Variants in SETBP1 observed in about 807,000 individuals in gnomAD.
SETBP1 encodes the protein SET-binding protein.
A neutral mutation model predicts 101.0 loss-of-function variants in SETBP1; 9 were observed. The ratio of observed to expected loss-of-function variants is 0.09; its 90% CI spans 0.05 to 0.16. The LOEUF is 0.16. Among genes scored for constraint, SETBP1 ranks in the 10% least tolerant of loss-of-function variants. SETBP1 has a pLI of 1.00. For synonymous variants in SETBP1, 818 were observed against 788.5 expected, an observed-to-expected ratio of 1.04 and a Z score of -0.63; for missense variants, 1,858 against 2,033.8, an observed-to-expected ratio of 0.91 and a Z score of 1.66.
intron 2 of SETBP1, among the ~76,000 whole-genome samples, chr18:44,781,731 C>G (rs1463630000): frequency 1.3e-5 from 2 of 152,054 alleles, no homozygotes; most frequent in African/African-American, 4.8e-5. Context: ...AGGATGGTAC[C>G]ACAATGCAAA....
In SETBP1 at chr18:44,950,096, C is replaced by A. The variant is rs762370146; in HGVS notation, c.756C>A (p.Pro252=). 1 of 1,614,154 alleles carries A rather than the reference C, an allele frequency of 6.2e-7. No individual in the cohort carries two copies. Among genetic ancestry groups the A allele is most frequent in the South Asian group, 1.1e-5 (1 of 91,084 alleles). ...AAACTGCAAGCACCAGCAAGATCCC[C>A]GCTCTTGAGCCCGTGGCTTCCTTTG... ...GRETASTSKI[P]ALEPVASFAK... Residue 252 remains proline, a synonymous_variant, in exon 4 of 6, where the codon CCC becomes CCA. Transcript: ENST00000649279.
At chr18:44,835,882 A>G (rs1198496844) in intron 2 of SETBP1, among the ~76,000 whole-genome samples, 8 of 152,238 alleles carry the variant, frequency 5.3e-5, no homozygotes, top group Non-Finnish European at 8.8e-5. Flanking sequence ...AAAAACTCCT[A>G]GAGTAAGAAT....
chr18:45,042,195 G>C (rs1005783568), intron 5 of SETBP1, among the ~76,000 whole-genome samples: 1 of 139,974 alleles, frequency 7.1e-6, no homozygotes, highest in African/African-American at 2.7e-5. Context: ...TGTCACTGAG[G>C]CTGGAATGCA....
intron 2 of SETBP1, among the ~76,000 whole-genome samples, chr18:44,781,241 G>A (rs1197082747): frequency 6.6e-6 from 1 of 152,206 alleles, no homozygotes; most frequent in Non-Finnish European, 1.5e-5. Flanking sequence ...TGCTTCTTGA[G>A]ATGATTGTTC....
intron 4 of SETBP1, among the ~76,000 whole-genome samples, chr18:45,033,267 A>G (rs979858664): frequency 2.0e-5 from 3 of 152,228 alleles, no homozygotes; most frequent in Non-Finnish European, 4.4e-5. Flanking sequence ...TAGGGAAAGA[A>G]AGAACATTGA....
At chr18:44,990,865 A>G (rs1329365515) in intron 4 of SETBP1, among the ~76,000 whole-genome samples, 1 of 150,802 alleles carries the variant, frequency 6.6e-6, no homozygotes, top group Non-Finnish European at 1.5e-5. Flanking sequence ...GTTCTATAAT[A>G]TCTAAGTTAG....
intron 4 of SETBP1, among the ~76,000 whole-genome samples, chr18:44,998,352 G>GGCGA (rs1035195382): frequency 6.6e-6 from 1 of 152,210 alleles, no homozygotes; most frequent in African/African-American, 2.4e-5. Context: ...TTGACTCTGT[G>GGCGA]GCGACCTCTG....
chr18:44,789,774 G>A (rs968074491), intron 2 of SETBP1, among the ~76,000 whole-genome samples: 2 of 152,200 alleles, frequency 1.3e-5, no homozygotes, highest in South Asian at 2.1e-4. Flanking sequence ...CAACCTGTGT[G>A]CATAGTAAAC....
chr18:44,771,366 G>A (rs763055441), intron 2 of SETBP1, among the ~76,000 whole-genome samples: 9 of 145,040 alleles, frequency 6.2e-5, no homozygotes, highest in Middle Eastern at 3.2e-3. Context: ...GTCAGGTCCC[G>A]TTACTGAAAG....
Position 44,701,511 on chromosome 18 carries a change from G to A in SETBP1, c.165G>A (p.Met55Ile), listed in dbSNP as rs778818507. Residue 55 changes from methionine (M) to isoleucine (I), a missense_variant, in exon 2 of 6, where the codon ATG becomes ATA. By Grantham distance (10) the Met-to-Ile change is conservative. Transcript: ENST00000649279. ...GKGIPVGGER[M>I]EPEEEDELGS... is the part of the protein sequence containing the mutation. Reference sequence around the variant, plus strand: ...GGATCCCGGTGGGCGGAGAGCGCATGGAGCCAGAGGAGGAGGATGAACTAG... The same window carrying A: ...GGATCCCGGTGGGCGGAGAGCGCATAGAGCCAGAGGAGGAGGATGAACTAG... 2.5e-6 allele frequency: 4 copies of A among 1,613,862 alleles called. No individual in the cohort carries two copies. In the Admixed American group the frequency reaches 5.0e-5, roughly 20 times the overall value.
At chr18:45,035,901 G>T (rs2073386170) in intron 4 of SETBP1, among the ~76,000 whole-genome samples, 1 of 152,214 alleles carries the variant, frequency 6.6e-6, no homozygotes, top group African/African-American at 2.4e-5. Context: ...CTTTTTAGCA[G>T]CCAAGTTGTG....
chr18:44,782,577 C>T (rs564567242), intron 2 of SETBP1, among the ~76,000 whole-genome samples: 3 of 152,178 alleles, frequency 2.0e-5, no homozygotes, highest in South Asian at 4.2e-4. Context: ...TGTTGTTTTT[C>T]CCCCTGTTGG....
At position 45,021,824 on chromosome 18, in the gene SETBP1, A is replaced by G. The variant is rs968003906; in HGVS notation, c.4001-16661A>G. Among the ~76,000 whole-genome samples, 3 of 151,438 alleles carry G rather than the reference A, an allele frequency of 2.0e-5. No homozygotes were observed. The Admixed American group carries it at 2.0e-4, about 10-fold the overall frequency. On this transcript the variant is annotated intron_variant, in intron 4 of 5. Coordinates refer to ENST00000649279, the MANE Select transcript of SETBP1 (RefSeq NM_015559.3). ...GATTTGCAAAAATAATCATTTGAGCATGGGTTTAGGTGTCTTCTGAGCAAA... is the reference window on the plus strand; with the variant it reads ...GATTTGCAAAAATAATCATTTGAGCGTGGGTTTAGGTGTCTTCTGAGCAAA...
At chr18:44,691,207 C>G (rs1021425501) in intron 1 of SETBP1, among the ~76,000 whole-genome samples, 4 of 152,150 alleles carry the variant, frequency 2.6e-5, no homozygotes, top group Non-Finnish European at 4.4e-5. Flanking sequence ...AAAGTGTGTG[C>G]TCTTGAGTAA....
chr18:44,947,619 G>T (rs371555611), intron 3 of SETBP1, among the ~76,000 whole-genome samples: 1 of 150,136 alleles, frequency 6.7e-6, no homozygotes, highest in East Asian at 2.0e-4. Flanking sequence ...TGATTCTCCT[G>T]CCTCAGCCTC....
intron 4 of SETBP1, among the ~76,000 whole-genome samples, chr18:45,017,279 C>G (rs1030018682): frequency 6.6e-6 from 1 of 152,202 alleles, no homozygotes; most frequent in African/African-American, 2.4e-5. Context: ...AACTGGCTGA[C>G]AGCAGACCTG....
chr18:44,933,743 C>T (rs2070891587), intron 3 of SETBP1, among the ~76,000 whole-genome samples: 1 of 152,210 alleles, frequency 6.6e-6, no homozygotes, highest in South Asian at 2.1e-4. Context: ...GTGGTACCCT[C>T]CGAGCCAGGC....
intron 2 of SETBP1, among the ~76,000 whole-genome samples, chr18:44,857,967 T>C (rs2073010070): frequency 6.6e-6 from 1 of 152,162 alleles, no homozygotes; most frequent in Non-Finnish European, 1.5e-5. Flanking sequence ...GAGGCAGGAT[T>C]GTATGAGACG....
At chr18:44,962,618 C>G (rs1010090822) in intron 4 of SETBP1, among the ~76,000 whole-genome samples, 3 of 152,026 alleles carry the variant, frequency 2.0e-5, no homozygotes, top group African/African-American at 7.2e-5. Context: ...AAATCAAAAC[C>G]CATTCTACAA....
Sources: allele counts gnomAD v4.1 joint callset (sites outside exome capture counted in the v4.1 genomes callset), GRCh38; gene constraint gnomAD v4.1.1; transcripts MANE v1.5; gene names NCBI Gene and HGNC (gene_info 2026-07-23, HGNC 2026-07-21).